The following POU6F2 variants were observed in gnomAD, a reference collection of about 807,000 sequenced individuals.
POU6F2 encodes the protein POU class 6 homeobox 2, also known as POU domain, class 6, transcription factor 2.
Under a neutral mutation model 71.3 loss-of-function variants are expected in POU6F2, and 31 were observed. The ratio of observed to expected loss-of-function variants is 0.43; its 90% CI spans 0.33 to 0.59. POU6F2 has a LOEUF of 0.59. Among genes scored for constraint, POU6F2 ranks in the 20% least tolerant of loss-of-function variants. POU6F2 has a pLI of 0.04. For missense variants in POU6F2, 783 were observed against 856.8 expected, an observed-to-expected ratio of 0.91 and a Z score of 1.07; for synonymous variants, 347 against 355.7, an observed-to-expected ratio of 0.98 and a Z score of 0.27.
chr7:39,363,159 T>C (rs987576267), intron 5 of POU6F2, among the ~76,000 whole-genome samples: 2 of 152,164 alleles, frequency 1.3e-5, no homozygotes, highest in Non-Finnish European at 2.9e-5. Flanking sequence ...GTTTGTACCA[T>C]GTTGTACGTG....
At chr7:39,278,459 G>T (rs1784500575) in intron 4 of POU6F2, among the ~76,000 whole-genome samples, 2 of 152,096 alleles carry the variant, frequency 1.3e-5, no homozygotes, top group Admixed American at 1.3e-4. Flanking sequence ...TGTTCTTCAT[G>T]AAAAAAGCCC....
chr7:39,280,309 C>A (rs1784538995), intron 4 of POU6F2, among the ~76,000 whole-genome samples: 1 of 152,184 alleles, frequency 6.6e-6, no homozygotes, highest in South Asian at 2.1e-4. Context: ...TCAGGCACAA[C>A]CCTGGCATCT....
intron 2 of POU6F2, among the ~76,000 whole-genome samples, chr7:39,150,366 C>T (rs1792731307): frequency 6.6e-6 from 1 of 151,718 alleles, no homozygotes; most frequent in Non-Finnish European, 1.5e-5. Context: ...TTTGGGTAAA[C>T]ACCCAGAAGA....
chr7:39,137,917 G>A (rs1329685524), intron 2 of POU6F2, among the ~76,000 whole-genome samples: 2 of 152,140 alleles, frequency 1.3e-5, no homozygotes, highest in African/African-American at 4.8e-5. Context: ...ATTCCTATAA[G>A]CCTACAGTCC....
chr7:39,277,758 C>T (rs1427595513), intron 4 of POU6F2, among the ~76,000 whole-genome samples: 3 of 151,822 alleles, frequency 2.0e-5, no homozygotes, highest in Non-Finnish European at 2.9e-5. Flanking sequence ...GCCAAGCTGC[C>T]CTATAGAAAA....
Position 39,085,982 on chromosome 7 carries a change from T to G in POU6F2, c.228T>G (p.Leu76=). The G allele has an allele frequency of 6.2e-7, 1 of 1,613,756 alleles. No individual in the cohort carries two copies. The highest frequency in any genetic ancestry group is 8.5e-7 in the Non-Finnish European group (1 of 1,179,794). Residue 76 remains leucine, a synonymous_variant, in exon 2 of 10, where the codon CTT becomes CTG. Coordinates refer to ENST00000518318, the MANE Select transcript of POU6F2 (RefSeq NM_001370959.1). ...ACAGCGAGCTGAATGAGCCCCTGCTTGCGCCTGTGGAATCAAATGACAGCG... is the reference window on the plus strand; with the variant it reads ...ACAGCGAGCTGAATGAGCCCCTGCTGGCGCCTGTGGAATCAAATGACAGCG... ...TSDSELNEPL[L]APVESNDSED... is the part of the protein sequence containing the mutation.
chr7:39,454,015 C>A (rs1788725349), intron 8 of POU6F2, among the ~76,000 whole-genome samples: 1 of 152,176 alleles, frequency 6.6e-6, no homozygotes, highest in South Asian at 2.1e-4. Flanking sequence ...AGTTAAATCC[C>A]TTCTGTCTCA....
rs187197454 is a variant in POU6F2 at position 39,128,197 on chromosome 7, A to C, written c.277+42166A>C. ...AAGATCTGGATGCTTCATGGAGAAG[A>C]AGCAGCTTAGAAAATATCATGTATA... On this transcript the variant is annotated intron_variant, in intron 2 of 9. Coordinates refer to ENST00000518318, the MANE Select transcript of POU6F2 (RefSeq NM_001370959.1). 1.3e-3 allele frequency among the ~76,000 whole-genome samples: 195 copies of C among 152,298 alleles called. 2 individuals carry two copies. Among genetic ancestry groups the C allele is most frequent in the Admixed American group, 0.012 (178 of 15,302 alleles).
intron 2 of POU6F2, among the ~76,000 whole-genome samples, chr7:39,152,171 A>C (rs1231974195): frequency 6.6e-6 from 1 of 152,084 alleles, no homozygotes. Flanking sequence ...CTTATCATTG[A>C]GATGCTCAGG....
At chr7:39,007,182 C>T (rs1387215834) in intron 1 of POU6F2, among the ~76,000 whole-genome samples, 3 of 152,152 alleles carry the variant, frequency 2.0e-5, no homozygotes, top group Non-Finnish European at 4.4e-5. Context: ...TAAATACAAG[C>T]TGCACATAAA....
chr7:39,412,658 T>G (rs77471127), intron 6 of POU6F2, among the ~76,000 whole-genome samples: 2,229 of 152,176 alleles, frequency 0.015, 53 homozygotes, highest in African/African-American at 0.048. Context: ...TTATTTCATT[T>G]TAAACAATGA....
intron 2 of POU6F2, among the ~76,000 whole-genome samples, chr7:39,100,332 T>C (rs1791542824): frequency 1.3e-5 from 2 of 152,240 alleles, no homozygotes; most frequent in Non-Finnish European, 2.9e-5. Flanking sequence ...GGAGCCATCA[T>C]TGGGAAGAAA....
At chr7:39,179,802 G>T (rs957275394) in intron 2 of POU6F2, among the ~76,000 whole-genome samples, 2 of 152,186 alleles carry the variant, frequency 1.3e-5, no homozygotes, top group Non-Finnish European at 2.9e-5. Flanking sequence ...CTGGTGGGGA[G>T]CTGGGAGGAT....
chr7:39,368,579 G>A (rs1378736645), intron 5 of POU6F2, among the ~76,000 whole-genome samples: 2 of 152,248 alleles, frequency 1.3e-5, no homozygotes, highest in East Asian at 1.9e-4. Context: ...GATTTTCAAT[G>A]TAGATGAAAC....
chr7:39,030,737 A>G (rs1789923344), intron 1 of POU6F2, among the ~76,000 whole-genome samples: 1 of 151,238 alleles, frequency 6.6e-6, no homozygotes, highest in East Asian at 2.0e-4. Context: ...CTGCTGGATC[A>G]TATGAGAAGA....
At chr7:39,068,833 A>G (rs115750565) in intron 1 of POU6F2, among the ~76,000 whole-genome samples, 111 of 152,224 alleles carry the variant, frequency 7.3e-4, no homozygotes, top group African/African-American at 2.5e-3. Context: ...TATCTTTAGG[A>G]TAGGGGTTCC....
chr7:39,461,166 A>G (rs751018785), intron 9 of POU6F2, among the ~76,000 whole-genome samples: 5 of 152,184 alleles, frequency 3.3e-5, no homozygotes, highest in African/African-American at 1.2e-4. Context: ...AAAATTAACT[A>G]TCTTGTGACC....
At chr7:39,430,971 C>G (rs1788085792) in intron 6 of POU6F2, among the ~76,000 whole-genome samples, 1 of 152,216 alleles carries the variant, frequency 6.6e-6, no homozygotes, top group Non-Finnish European at 1.5e-5. Flanking sequence ...TCCTGGGCCT[C>G]TCTTACCTTG....
intron 2 of POU6F2, among the ~76,000 whole-genome samples, chr7:39,106,023 G>T (rs1791677305): frequency 1.3e-5 from 2 of 152,120 alleles, no homozygotes; most frequent in South Asian, 4.1e-4. Context: ...GTGGTGCAAA[G>T]ATGCAATATG....
Sources: allele counts gnomAD v4.1 joint callset (sites outside exome capture counted in the v4.1 genomes callset), GRCh38; gene constraint gnomAD v4.1.1; transcripts MANE v1.5; gene names NCBI Gene and HGNC (gene_info 2026-07-23, HGNC 2026-07-21).